Variants in UBXN4 observed in about 807,000 individuals in gnomAD.
UBXN4 encodes UBX domain-containing protein 4.
Under a neutral mutation model 66.2 loss-of-function variants are expected in UBXN4, and 35 were observed. The ratio of observed to expected loss-of-function variants is 0.53; its 90% confidence interval spans 0.40 to 0.70. The LOEUF (loss-of-function observed/expected upper bound fraction) is 0.70, where lower values mean the gene tolerates loss of function less well. Among genes scored for constraint, UBXN4 ranks in the 30% least tolerant of loss-of-function variants. UBXN4 has a pLI of 0.00. For missense variants in UBXN4, 533 were observed against 599.8 expected, an observed-to-expected ratio of 0.89 and a Z score of 1.16; for synonymous variants, 203 against 204.5, an observed-to-expected ratio of 0.99 and a Z score of 0.06.
In UBXN4 at chr2:135,783,156, CTTAT is replaced by C; in HGVS notation, c.*273_*276del. Reference sequence around the variant, plus strand: ...TGCCACAGCCTGCCTCCATCAGCTTCTTATTTAGTATTTCATATGCCCATTAGCC... The same window carrying C: ...TGCCACAGCCTGCCTCCATCAGCTTCTTAGTATTTCATATGCCCATTAGCC... On this transcript the variant is annotated 3_prime_UTR_variant, in exon 13 of 13. Coordinates refer to ENST00000272638, the MANE Select transcript of UBXN4 (RefSeq NM_014607.4). 1 of 274,642 alleles carries C rather than the reference CTTAT, an allele frequency of 3.6e-6. No individual in the cohort carries two copies. Among genetic ancestry groups the C allele is most frequent in the South Asian group, 9.6e-5 (1 of 10,404 alleles). 17.0% of individuals were successfully genotyped at this position (274,642 alleles called of 1,614,324 possible). A position where few individuals can be genotyped will look rare whatever the true frequency, so the allele number is the denominator to read the frequency against.
In UBXN4 at chr2:135,759,577, G is replaced by C. The variant is rs192503055; in HGVS notation, c.509-2241G>C. Among the ~76,000 whole-genome samples, 70 of 152,186 alleles carry C rather than the reference G, an allele frequency of 4.6e-4. 1 individual carries two copies. The East Asian group carries it at 0.012, about 25-fold the overall frequency. Reference sequence around the variant, plus strand: ...TTGGTAAAGCTACAGACTTGATCAAGTCAGCTTCATTATTCTTTTTGACAA... The same window carrying C: ...TTGGTAAAGCTACAGACTTGATCAACTCAGCTTCATTATTCTTTTTGACAA... On this transcript the variant is annotated intron_variant, in intron 5 of 12. Transcript: ENST00000272638.
intron 6 of UBXN4, among the ~76,000 whole-genome samples, chr2:135,764,982 T>G (rs1412605066): frequency 6.6e-6 from 1 of 152,010 alleles, no homozygotes; most frequent in African/African-American, 2.4e-5. Context: ...ACTGGCTAAT[T>G]TTTGTATTTT....
chr2:135,768,430 C>CTCG (rs1359082712), intron 6 of UBXN4, among the ~76,000 whole-genome samples: 2 of 152,026 alleles, frequency 1.3e-5, no homozygotes, highest in Non-Finnish European at 2.9e-5. Context: ...AACTCCTGAC[C>CTCG]TCGTGATCTG....
At chr2:135,778,293 A>C (rs1416963888) in intron 10 of UBXN4, among the ~76,000 whole-genome samples, 1 of 152,036 alleles carries the variant, frequency 6.6e-6, no homozygotes, top group Non-Finnish European at 1.5e-5. Flanking sequence ...CTACAGTAAA[A>C]AAAAAAAAAT....
At chr2:135,771,406 G>A (rs895260155) in intron 8 of UBXN4, among the ~76,000 whole-genome samples, 1 of 151,958 alleles carries the variant, frequency 6.6e-6, no homozygotes, top group Admixed American at 6.6e-5. Flanking sequence ...AACCTAGGAG[G>A]TGGAAGTTGC....
intron 1 of UBXN4, among the ~76,000 whole-genome samples, chr2:135,745,403 T>A (rs1484244914): frequency 6.6e-6 from 1 of 152,234 alleles, no homozygotes; most frequent in African/African-American, 2.4e-5. Context: ...AAGAGTTCTC[T>A]TGTTATTTTC....
intron 12 of UBXN4, 149 bp from the exon 13 acceptor site, chr2:135,782,600 A>T: frequency 1.1e-6 from 1 of 880,640 alleles, no homozygotes; most frequent in Admixed American, 2.3e-5. Context: ...GTGTTAGTAG[A>T]TATAATGGTC....
At chr2:135,747,264 C>G (rs1219482868) in intron 1 of UBXN4, among the ~76,000 whole-genome samples, 2 of 146,852 alleles carry the variant, frequency 1.4e-5, no homozygotes, top group African/African-American at 5.0e-5. Flanking sequence ...AGGAGAATCG[C>G]TTGAACCCGG....
In UBXN4 at chr2:135,772,455, A is replaced by G. The variant is rs909938599; in HGVS notation, c.858A>G (p.Thr286=). The change falls in exon 9 of 13, where the codon ACA becomes ACG. Residue 286 remains threonine (T), a synonymous_variant. Coordinates refer to ENST00000272638, the MANE Select transcript of UBXN4 (RefSeq NM_014607.4). The stretch of plus-strand genomic sequence containing the variant: ...AGAGAGCTGCTCGTTTTGCAAAGAC[A>G]AAGGAAGAAGTAGAGGCTGCCAAAG... ...RAERAARFAK[T]KEEVEAAKAA... 13 of 1,614,182 alleles carry G rather than the reference A, an allele frequency of 8.1e-6. No individual in the cohort carries two copies. The African/African-American group carries it at 1.6e-4, about 20-fold the overall frequency.
rs560255379 is a variant in UBXN4, at chr2:135,766,176, C to T, written c.603-3593C>T. Among the ~76,000 whole-genome samples, 5 of 151,608 alleles carry T rather than the reference C, an allele frequency of 3.3e-5. No individual in the cohort carries two copies. In the East Asian group the frequency reaches 9.7e-4, roughly 29 times the overall value. On this transcript the variant is annotated intron_variant, in intron 6 of 12. Transcript: ENST00000272638. ...CTCAAAAAAAAAAAAAAGTCGAAGC[C>T]CAAATGTAGAAGTTATGGAACAGTC...
intron 5 of UBXN4, among the ~76,000 whole-genome samples, chr2:135,759,036 G>C (rs1421411974): frequency 2.6e-5 from 4 of 152,236 alleles, no homozygotes; most frequent in Non-Finnish European, 5.9e-5. Flanking sequence ...GGGATTGTAG[G>C]CGTAAGCCAC....
At chr2:135,753,721 AT>A (rs3217451) in intron 3 of UBXN4, 154 bp downstream of exon 3, 59,458 of 660,608 alleles carry the variant, frequency 0.09, 3,637 homozygotes, top group South Asian at 0.23. Context: ...TTTAAAAAAA[AT>A]GTTATTATAG....
intron 6 of UBXN4, among the ~76,000 whole-genome samples, chr2:135,769,543 A>G (rs1001875710): frequency 1.7e-4 from 26 of 152,146 alleles, no homozygotes; most frequent in Admixed American, 1.6e-3. Context: ...GAAACTAATC[A>G]TAAGTGGGAA....
At chr2:135,773,201 G>A (rs569406361) in intron 9 of UBXN4, among the ~76,000 whole-genome samples, 2 of 152,270 alleles carry the variant, frequency 1.3e-5, no homozygotes, top group South Asian at 4.1e-4. Context: ...AAATACATTG[G>A]CTCTGCAGTT....
At chr2:135,767,688 T>G (rs1037445609) in intron 6 of UBXN4, among the ~76,000 whole-genome samples, 4 of 152,186 alleles carry the variant, frequency 2.6e-5, no homozygotes, top group African/African-American at 9.7e-5. Flanking sequence ...GTTTTCAGTT[T>G]GGGGCTATTT....
At chr2:135,757,518 T>G (rs1326429819) in intron 5 of UBXN4, among the ~76,000 whole-genome samples, 2 of 152,222 alleles carry the variant, frequency 1.3e-5, no homozygotes, top group African/African-American at 4.8e-5. Flanking sequence ...TCTGACAGTT[T>G]CAATATCTAG....
rs1330275803 is a variant in UBXN4, at chr2:135,773,688, T to TAGA, written c.950+1142_950+1143insGAA. Among the ~76,000 whole-genome samples the TAGA allele has an allele frequency of 1.9e-4, 29 of 152,376 alleles. 1 individual carries two copies. Among genetic ancestry groups the TAGA allele is most frequent in the South Asian group, 4.1e-4 (2 of 4,830 alleles). On this transcript the variant is annotated intron_variant, in intron 9 of 12. Coordinates refer to ENST00000272638, the MANE Select transcript of UBXN4 (RefSeq NM_014607.4). The stretch of plus-strand genomic sequence containing the variant: ...AGTTTAGATTTCTAGTACACCTTGC[T>TAGA]AATTGGATTATGGTTAATACTTATT...
At chr2:135,751,318 C>G (rs2077239847) in intron 2 of UBXN4, among the ~76,000 whole-genome samples, 1 of 151,742 alleles carries the variant, frequency 6.6e-6, no homozygotes, top group African/African-American at 2.4e-5. Context: ...TCCCAAGTAG[C>G]TGGGACTATA....
At chr2:135,750,892 G>T in intron 2 of UBXN4, among the ~76,000 whole-genome samples, 1 of 117,120 alleles carries the variant, frequency 8.5e-6, no homozygotes, top group Non-Finnish European at 1.6e-5. Flanking sequence ...GTCTTGCTCT[G>T]TCGCCCAGGC....
Sources: gnomAD v4.1 joint callset for allele counts (sites outside exome capture counted in the v4.1 genomes callset) on GRCh38, gnomAD v4.1.1 for gene constraint, MANE v1.5 for transcripts, NCBI Gene and HGNC (gene_info 2026-07-23, HGNC 2026-07-21) for gene names.